The following ACTN1 variants were observed in gnomAD, a reference collection of about 807,000 sequenced individuals.
ACTN1 encodes the protein actinin alpha 1.
Under a neutral mutation model 119.6 loss-of-function variants are expected in ACTN1, and 30 were observed. The observed-to-expected ratio is 0.25, with a 90% CI of 0.19 to 0.34. The LOEUF (loss-of-function observed/expected upper bound fraction) is 0.34, where lower values mean the gene tolerates loss of function less well. Ranked by LOEUF, ACTN1 falls within the 10% of genes least tolerant of loss-of-function variation. The pLI is 1.00. For synonymous variants in ACTN1, 429 were observed against 472.6 expected (o/e 0.91, Z 1.20); for missense variants, 764 against 1,223.4 (o/e 0.62, Z 5.60).
chr14:68,901,589 G>GGCAGGAGATCT lies in ACTN1; in HGVS notation c.762+877_762+887dup, dbSNP rs550524946. ...ACGGTCACTCAGATGCCATGTGGAG[G>GGCAGGAGATCT]GCAGGAGATCTGCATGAGACGTGAA... On this transcript the variant is annotated intron_variant, in intron 8 of 21. Coordinates refer to ENST00000394419, the MANE Select transcript of ACTN1 (RefSeq NM_001130004.2). 7.7e-3 allele frequency among the ~76,000 whole-genome samples: 1,178 copies of GGCAGGAGATCT among 152,292 alleles called. 8 individuals are homozygous for GGCAGGAGATCT. The highest frequency in any genetic ancestry group is 0.013 in the Non-Finnish European group (864 of 68,020).
Position 68,952,743 on chromosome 14 carries a change from C to A in ACTN1, c.105+26209G>T, listed in dbSNP as rs2036211025. ...AACGTTCAGTATCTTCTCTGCCAAA[C>A]CTCACTTGAAGGCCGAGCCTTAAAG... On this transcript the variant is annotated intron_variant, in intron 1 of 21. Coordinates refer to ENST00000394419, the MANE Select transcript of ACTN1 (RefSeq NM_001130004.2). Among the ~76,000 whole-genome samples the A allele has an allele frequency of 2.0e-5, 3 of 152,178 alleles. No homozygotes were observed. In the South Asian group the frequency reaches 6.2e-4, roughly 32 times the overall value.
At chr14:68,936,517 G>C (rs2035521325) in intron 1 of ACTN1, 2 of 257,434 alleles carry the variant, frequency 7.8e-6, no homozygotes, top group African/African-American at 2.4e-5. Flanking sequence ...TTTTTTTTAA[G>C]TATGCAAATA....
chr14:68,936,285 C>T (rs2035505179), intron 1 of ACTN1, among the ~76,000 whole-genome samples: 1 of 152,096 alleles, frequency 6.6e-6, no homozygotes, highest in African/African-American at 2.4e-5. Context: ...TCAAGACAGC[C>T]AGCTCCTAAC....
At chr14:68,890,118 A>G in intron 11 of ACTN1, 21 bp downstream of exon 11, 3 of 1,604,944 alleles carry the variant, frequency 1.9e-6, no homozygotes, top group Non-Finnish European at 2.6e-6. Context: ...GGGGGGAGGC[A>G]GGAGGCTGGG....
In ACTN1 at chr14:68,874,371, T is replaced by G. The variant is rs1335709746; in HGVS notation, c.*488A>C. The G allele has an allele frequency of 6.5e-6, 1 of 152,778 alleles. No homozygotes were observed. Among genetic ancestry groups the G allele is most frequent in the Non-Finnish European group, 1.5e-5 (1 of 68,304 alleles). The allele number at this position is 152,778 out of a possible 1,614,324, so 9.5% of individuals were successfully genotyped here. A position where few individuals can be genotyped will look rare whatever the true frequency, so the allele number is the denominator to read the frequency against. On this transcript the variant is annotated 3_prime_UTR_variant, in exon 22 of 22. Coordinates refer to ENST00000394419, the MANE Select transcript of ACTN1 (RefSeq NM_001130004.2). ...AAAATATTTTCATGGACAAGTGAGCTAGCAAACACACATGCACCAATGTGC... is the reference window on the plus strand; with the variant it reads ...AAAATATTTTCATGGACAAGTGAGCGAGCAAACACACATGCACCAATGTGC...
At chr14:68,895,542 CAG>C (rs1276683008) in intron 8 of ACTN1, among the ~76,000 whole-genome samples, 4 of 152,118 alleles carry the variant, frequency 2.6e-5, no homozygotes, top group African/African-American at 9.7e-5. Context: ...CAGGGGGCTG[CAG>C]AGAGACCCGC....
chr14:68,958,964 A>T (rs1404684263), intron 1 of ACTN1, among the ~76,000 whole-genome samples: 1 of 152,248 alleles, frequency 6.6e-6, no homozygotes, highest in African/African-American at 2.4e-5. Flanking sequence ...ATAATAAAAA[A>T]GCAGCTTTGC....
At chr14:68,899,866 C>T (rs2033194495) in intron 8 of ACTN1, among the ~76,000 whole-genome samples, 1 of 152,216 alleles carries the variant, frequency 6.6e-6, no homozygotes, top group Admixed American at 6.5e-5. Context: ...GGCAGGTGCA[C>T]ACCCGTGGCT....
At chr14:68,918,902 C>T (rs1170779621) in intron 3 of ACTN1, among the ~76,000 whole-genome samples, 1 of 152,222 alleles carries the variant, frequency 6.6e-6, no homozygotes, top group Non-Finnish European at 1.5e-5. Context: ...ACTGATGACA[C>T]TCTTCCACTC....
intron 1 of ACTN1, among the ~76,000 whole-genome samples, chr14:68,945,190 G>A (rs2035903128): frequency 1.4e-5 from 2 of 145,244 alleles, no homozygotes; most frequent in Non-Finnish European, 1.5e-5. Flanking sequence ...AAGAAAGAAA[G>A]AAAGAAAAGA....
intron 1 of ACTN1, among the ~76,000 whole-genome samples, chr14:68,950,479 A>ATAT (rs1566667536): frequency 2.5e-4 from 23 of 92,694 alleles, no homozygotes; most frequent in African/African-American, 1.7e-3. Context: ...TATATATATA[A>ATAT]ATCAAACATA....
In ACTN1 at chr14:68,954,608, G is replaced by A. The variant is rs1249261411; in HGVS notation, c.105+24344C>T. ...CCCAAAGTGCTGGGATTACAGGCAT[G>A]AGCCACCACACCCGGCCCATACAGA... On this transcript the variant is annotated intron_variant, in intron 1 of 21. Coordinates refer to ENST00000394419, the MANE Select transcript of ACTN1 (RefSeq NM_001130004.2). Among the ~76,000 whole-genome samples the A allele has an allele frequency of 3.3e-5, 5 of 152,318 alleles. No individual in the cohort carries two copies. The East Asian group carries it at 7.7e-4, about 23-fold the overall frequency.
At chr14:68,929,999 A>C (rs1340304884) in intron 1 of ACTN1, among the ~76,000 whole-genome samples, 12 of 152,208 alleles carry the variant, frequency 7.9e-5, no homozygotes, top group Non-Finnish European at 2.9e-5. Context: ...CACATTGTCC[A>C]CCTTCTGTAC....
intron 1 of ACTN1, among the ~76,000 whole-genome samples, chr14:68,974,988 C>G (rs953896837): frequency 6.6e-5 from 10 of 152,222 alleles, no homozygotes; most frequent in Non-Finnish European, 5.9e-5. Context: ...CAGCCAGGTG[C>G]CCAGCCCCAT....
chr14:68,952,657 C>T (rs577238499), intron 1 of ACTN1, among the ~76,000 whole-genome samples: 1 of 151,592 alleles, frequency 6.6e-6, no homozygotes, highest in South Asian at 2.1e-4. Context: ...AAGGCACAGG[C>T]TTAACACAAA....
Position 68,878,806 on chromosome 14 carries a change from A to G in ACTN1, c.2361+183T>C. 6.3e-7 allele frequency: 1 copy of G among 1,587,136 alleles called. No individual in the cohort carries two copies. The highest frequency in any genetic ancestry group is 1.7e-5 in the Admixed American group (1 of 58,076). ...GCGGGCACCCAGTAGGTTGCCATGA[A>G]AGACAGCAGAGGGCAGAGGGTGGAC... is the stretch of plus-strand genomic sequence containing the variant. On this transcript the variant is annotated intron_variant, in intron 19 of 21. Transcript: ENST00000394419. The surrounding 1 kb of genome is among the most constrained non-coding windows in gnomAD (Gnocchi z 4.4).
chr14:68,971,139 G>A (rs1236386348), intron 1 of ACTN1, among the ~76,000 whole-genome samples: 1 of 152,126 alleles, frequency 6.6e-6, no homozygotes, highest in Non-Finnish European at 1.5e-5. Context: ...GAGTTCTGAG[G>A]TCAATCTGCC....
chr14:68,916,498 TAG>T (rs1228204745), intron 3 of ACTN1, among the ~76,000 whole-genome samples: 1 of 152,212 alleles, frequency 6.6e-6, no homozygotes, highest in African/African-American at 2.4e-5. Context: ...AGCACGAGCA[TAG>T]AGAGTAGGGC....
At chr14:68,945,614 A>C (rs1055952420) in intron 1 of ACTN1, among the ~76,000 whole-genome samples, 1 of 152,224 alleles carries the variant, frequency 6.6e-6, no homozygotes, top group Non-Finnish European at 1.5e-5. Flanking sequence ...GAGCCAGTCC[A>C]GGGTGGCAGT....
Sources: gnomAD v4.1 joint callset for allele counts (sites outside exome capture counted in the v4.1 genomes callset) on GRCh38, gnomAD v4.1.1 for gene constraint, Gnocchi (gnomAD v3.1) non-coding constraint, MANE v1.5 for transcripts, NCBI Gene and HGNC (gene_info 2026-07-23, HGNC 2026-07-21) for gene names.